The following FAAH2 variants were observed in gnomAD, a reference collection of about 807,000 sequenced individuals.
The protein encoded by FAAH2 is fatty-acid amide hydrolase 2.
In FAAH2, 60 loss-of-function variants were observed where a neutral mutation model predicts 36.9. The ratio of observed to expected loss-of-function variants is 1.63; its 90% CI spans 1.32 to 2.02. The LOEUF is 2.02. Among genes scored for constraint, FAAH2 ranks in the 30% most tolerant of loss-of-function variants. The probability of loss-of-function intolerance (pLI) is 0.00; values close to 1 mark genes in which losing one functional copy is unlikely to be tolerated. For synonymous variants in FAAH2, 214 were observed against 143.8 expected (o/e 1.49, Z -3.49); for missense variants, 689 against 397.5 (o/e 1.73, Z -6.23).
the FAAH2 span, among the ~76,000 whole-genome samples, chrX:57,138,707 C>G: frequency 3.6e-5 from 4 of 111,655 alleles, no homozygotes; most frequent in Admixed American, 3.8e-4. Flanking sequence ...TCTTTCTTCA[C>G]TTCCTTACCA....
intron 4 of FAAH2, among the ~76,000 whole-genome samples, chrX:57,334,643 T>G (rs1178078414): frequency 9.0e-6 from 1 of 111,622 alleles, no homozygotes; most frequent in Non-Finnish European, 1.9e-5. Flanking sequence ...GATTATAGCT[T>G]GTCTATGAGT....
chrX:57,417,994 C>A (rs1402933778), intron 7 of FAAH2, among the ~76,000 whole-genome samples: 1 of 111,308 alleles, frequency 9.0e-6, no homozygotes, highest in Non-Finnish European at 1.9e-5. Flanking sequence ...GTGGGCTCCC[C>A]CCAGTTTGAA....
chrX:57,408,588 G>T (rs147387305), intron 7 of FAAH2, among the ~76,000 whole-genome samples: 1,514 of 109,034 alleles, frequency 0.014, 33 homozygotes, highest in African/African-American at 0.048. Flanking sequence ...CTCTGGCTAA[G>T]ACTTCCAGTG....
At chrX:57,221,365 G>A in the FAAH2 span, among the ~76,000 whole-genome samples, 1 of 110,800 alleles carries the variant, frequency 9.0e-6, no homozygotes, top group East Asian at 2.8e-4. Context: ...AGTTAACCCC[G>A]CTGTTTAGGA....
At chrX:57,428,586 C>T (rs1265692059) in intron 7 of FAAH2, among the ~76,000 whole-genome samples, 1 of 111,678 alleles carries the variant, frequency 9.0e-6, no homozygotes, top group Non-Finnish European at 1.9e-5. Context: ...GAAATTAAGC[C>T]ACATAACTAC....
intron 10 of FAAH2, among the ~76,000 whole-genome samples, chrX:57,471,959 C>A (rs1302973522): frequency 9.0e-6 from 1 of 111,708 alleles, no homozygotes; most frequent in Non-Finnish European, 1.9e-5. Context: ...ACCATCTGAT[C>A]TTTGACAAAC....
intron 3 of FAAH2, among the ~76,000 whole-genome samples, chrX:57,328,868 G>C (rs1240305118): frequency 9.0e-6 from 1 of 111,286 alleles, no homozygotes; most frequent in Non-Finnish European, 1.9e-5. Flanking sequence ...CTCTAACTCT[G>C]GGGGACTGGT....
chrX:57,219,440 C>T, the FAAH2 span, among the ~76,000 whole-genome samples: 7 of 111,904 alleles, frequency 6.3e-5, no homozygotes, highest in Admixed American at 1.9e-4. Context: ...AGCCTCCAGT[C>T]GCCTCTCTGT....
the FAAH2 span, among the ~76,000 whole-genome samples, chrX:57,183,309 A>G: frequency 1.3e-4 from 15 of 111,833 alleles, no homozygotes; most frequent in Non-Finnish European, 7.5e-5. Flanking sequence ...AAGCAAGCAG[A>G]TGGGAAGTTA....
intron 2 of FAAH2, among the ~76,000 whole-genome samples, chrX:57,309,697 C>T (rs1230786668): frequency 3.6e-5 from 4 of 111,050 alleles, no homozygotes; most frequent in African/African-American, 6.5e-5. Context: ...TGAGTGGGAA[C>T]ATATAATGTT....
At chrX:57,233,642 T>C in the FAAH2 span, among the ~76,000 whole-genome samples, 3 of 111,804 alleles carry the variant, frequency 2.7e-5, no homozygotes, top group Admixed American at 2.8e-4. Context: ...TGTTTTGTTT[T>C]CTTTTGTTTT....
chrX:57,334,063 A>T (rs1296530326), intron 4 of FAAH2, among the ~76,000 whole-genome samples: 1 of 110,804 alleles, frequency 9.0e-6, no homozygotes, highest in Non-Finnish European at 1.9e-5. Flanking sequence ...TGAAGTTAGG[A>T]GCTTGAGACC....
At chrX:57,223,017 C>T in the FAAH2 span, among the ~76,000 whole-genome samples, 1 of 112,078 alleles carries the variant, frequency 8.9e-6, no homozygotes, top group East Asian at 2.8e-4. Context: ...CTCTAGCAGC[C>T]AGACAACAAA....
intron 6 of FAAH2, among the ~76,000 whole-genome samples, chrX:57,380,333 T>G (rs778227073): frequency 2.8e-4 from 31 of 111,545 alleles, no homozygotes; most frequent in Non-Finnish European, 2.5e-4. Context: ...AGCTCACTTT[T>G]TTCACTTAAG....
chrX:57,190,808 G>T, the FAAH2 span, among the ~76,000 whole-genome samples: 1 of 110,243 alleles, frequency 9.1e-6, no homozygotes, highest in African/African-American at 3.3e-5. Context: ...TGTTGGTCTC[G>T]CTGGGAGCTG....
chrX:57,392,585 C>T, intron 7 of FAAH2: 1 of 815,592 alleles, frequency 1.2e-6, no homozygotes. Flanking sequence ...CCCAGTGGGC[C>T]TGAATAGACA....
At chrX:57,305,635 T>C (rs1001621092) in intron 2 of FAAH2, among the ~76,000 whole-genome samples, 5 of 111,765 alleles carry the variant, frequency 4.5e-5, no homozygotes, top group African/African-American at 1.6e-4. Context: ...AACATTTCAA[T>C]ACCCAGACTC....
the FAAH2 span, among the ~76,000 whole-genome samples, chrX:57,153,956 C>T: frequency 3.6e-5 from 4 of 112,189 alleles, no homozygotes; most frequent in Non-Finnish European, 5.6e-5. Context: ...AATATGTTTT[C>T]CAAACTTTTA....
chrX:57,162,153 G>A, the FAAH2 span, among the ~76,000 whole-genome samples: 1 of 111,586 alleles, frequency 9.0e-6, no homozygotes, highest in Non-Finnish European at 1.9e-5. Flanking sequence ...ATTCTGGGTT[G>A]AAAATTCTTT....
Sources: gnomAD v4.1 joint callset for allele counts (sites outside exome capture counted in the v4.1 genomes callset) on GRCh38, gnomAD v4.1.1 for gene constraint, MANE v1.5 for transcripts, NCBI Gene and HGNC (gene_info 2026-07-23, HGNC 2026-07-21) for gene names.